Variants in HS6ST3 observed in about 807,000 individuals in gnomAD.
The protein encoded by HS6ST3 is heparan-sulfate 6-O-sulfotransferase 3.
A neutral mutation model predicts 36.7 loss-of-function variants in HS6ST3; 12 were observed. That is an observed-to-expected ratio of 0.33 (90% CI 0.21 to 0.53). HS6ST3 has a LOEUF of 0.53. HS6ST3 is among the 20% of genes least tolerant of loss of function. HS6ST3 has a pLI of 0.95. For synonymous variants in HS6ST3, 240 were observed against 257.5 expected (o/e 0.93, Z 0.65); for missense variants, 584 against 640.9 (o/e 0.91, Z 0.96).
intron 1 of HS6ST3, among the ~76,000 whole-genome samples, chr13:96,554,959 A>C (rs2056234644): frequency 6.6e-6 from 1 of 152,048 alleles, no homozygotes. Flanking sequence ...GTACACCTGT[A>C]GTTCCAGATA....
At chr13:96,331,263 T>G (rs1428256491) in intron 1 of HS6ST3, among the ~76,000 whole-genome samples, 1 of 152,204 alleles carries the variant, frequency 6.6e-6, no homozygotes, top group Non-Finnish European at 1.5e-5. Context: ...GCTCTGCGTT[T>G]TAGAGTTTCC....
chr13:96,477,290 C>A (rs968042555), intron 1 of HS6ST3, among the ~76,000 whole-genome samples: 1 of 152,116 alleles, frequency 6.6e-6, no homozygotes, highest in African/African-American at 2.4e-5. Context: ...GAGAGGGATG[C>A]GAATGGAATT....
intron 1 of HS6ST3, among the ~76,000 whole-genome samples, chr13:96,650,547 T>C (rs1342901824): frequency 1.3e-5 from 2 of 152,076 alleles, no homozygotes; most frequent in Non-Finnish European, 2.9e-5. Flanking sequence ...GAGGGATTTG[T>C]TTATCTGAAA....
At chr13:96,195,700 G>A (rs950885239) in intron 1 of HS6ST3, among the ~76,000 whole-genome samples, 1 of 152,170 alleles carries the variant, frequency 6.6e-6, no homozygotes, top group African/African-American at 2.4e-5. Flanking sequence ...TGTAGAGCCA[G>A]TACCTGAGAC....
chr13:96,610,595 G>A (rs1331247170), intron 1 of HS6ST3, among the ~76,000 whole-genome samples: 1 of 152,118 alleles, frequency 6.6e-6, no homozygotes, highest in East Asian at 1.9e-4. Flanking sequence ...CCAGAAAGAA[G>A]GAATAGCACC....
At chr13:96,375,565 C>G (rs952569116) in intron 1 of HS6ST3, among the ~76,000 whole-genome samples, 1 of 152,198 alleles carries the variant, frequency 6.6e-6, no homozygotes, top group African/African-American at 2.4e-5. Flanking sequence ...CAGTCTCTAA[C>G]TTCAAGCCTG....
intron 1 of HS6ST3, among the ~76,000 whole-genome samples, chr13:96,675,144 C>T (rs895071349): frequency 1.3e-5 from 2 of 151,962 alleles, no homozygotes; most frequent in South Asian, 2.1e-4. Flanking sequence ...CGAACAGAAA[C>T]GAAACATAAT....
At chr13:96,722,831 G>A (rs2138470119) in intron 1 of HS6ST3, among the ~76,000 whole-genome samples, 1 of 152,252 alleles carries the variant, frequency 6.6e-6, no homozygotes, top group South Asian at 2.1e-4. Flanking sequence ...ACAAAAATTA[G>A]CTGGGCATGG....
chr13:96,831,075 G>A (rs1234623006), intron 1 of HS6ST3, among the ~76,000 whole-genome samples: 1 of 152,178 alleles, frequency 6.6e-6, no homozygotes, highest in Non-Finnish European at 1.5e-5. Flanking sequence ...TCATGGAAAG[G>A]ATTGTCCTTA....
At chr13:96,391,740 C>A (rs2055396694) in intron 1 of HS6ST3, among the ~76,000 whole-genome samples, 1 of 152,170 alleles carries the variant, frequency 6.6e-6, no homozygotes, top group Non-Finnish European at 1.5e-5. Flanking sequence ...ACCATCAGAT[C>A]TTGTGAAACC....
intron 1 of HS6ST3, among the ~76,000 whole-genome samples, chr13:96,505,927 G>T (rs1378856780): frequency 6.6e-6 from 1 of 152,074 alleles, no homozygotes; most frequent in Non-Finnish European, 1.5e-5. Context: ...TGTTGGTTCA[G>T]GCTGTTTCTG....
intron 1 of HS6ST3, among the ~76,000 whole-genome samples, chr13:96,782,255 A>C (rs1877543404): frequency 6.6e-6 from 1 of 152,198 alleles, no homozygotes; most frequent in Admixed American, 6.5e-5. Context: ...TTATTTAAGA[A>C]ACTGAAGGAG....
intron 1 of HS6ST3, among the ~76,000 whole-genome samples, chr13:96,451,509 A>G (rs1245333974): frequency 6.6e-6 from 1 of 152,224 alleles, no homozygotes; most frequent in Non-Finnish European, 1.5e-5. Context: ...TTAGCGAAAT[A>G]TTGAAGTTTG....
intron 1 of HS6ST3, among the ~76,000 whole-genome samples, chr13:96,732,003 A>G (rs1037346904): frequency 1.3e-5 from 2 of 152,098 alleles, no homozygotes; most frequent in African/African-American, 2.4e-5. Flanking sequence ...CATAATGGCC[A>G]TATTATTTTA....
In HS6ST3 at chr13:96,281,810, A is replaced by G. The variant is rs141616775; in HGVS notation, c.707+190241A>G. Among the ~76,000 whole-genome samples, 13 of 152,312 alleles carry G rather than the reference A, an allele frequency of 8.5e-5. No individual in the cohort carries two copies. The East Asian group carries it at 2.3e-3, about 27-fold the overall frequency. Reference sequence around the variant, plus strand: ...TTCTTTCAGACTTCCCTCATGAAACATTAGGTAACCGCAGTCTTCATATTT... The same window carrying G: ...TTCTTTCAGACTTCCCTCATGAAACGTTAGGTAACCGCAGTCTTCATATTT... On this transcript the variant is annotated intron_variant, in intron 1 of 1. Coordinates refer to ENST00000376705, the MANE Select transcript of HS6ST3 (RefSeq NM_153456.4).
At chr13:96,815,053 C>T (rs972888868) in intron 1 of HS6ST3, among the ~76,000 whole-genome samples, 3 of 152,114 alleles carry the variant, frequency 2.0e-5, no homozygotes, top group African/African-American at 7.2e-5. Flanking sequence ...GTTTTCATTT[C>T]TTATGGCCAC....
chr13:96,697,171 ATGTG>A, intron 1 of HS6ST3, among the ~76,000 whole-genome samples: 1 of 150,394 alleles, frequency 6.6e-6, no homozygotes, highest in South Asian at 2.1e-4. Flanking sequence ...AAATGTATAG[ATGTG>A]TGTGTGTGTG....
chr13:96,205,138 A>AG (rs1379107082), intron 1 of HS6ST3, among the ~76,000 whole-genome samples: 1 of 152,136 alleles, frequency 6.6e-6, no homozygotes, highest in Non-Finnish European at 1.5e-5. Flanking sequence ...ATCAGAAATA[A>AG]GGGGGGTATT....
chr13:96,769,135 C>A (rs959459783), intron 1 of HS6ST3, among the ~76,000 whole-genome samples: 1 of 152,008 alleles, frequency 6.6e-6, no homozygotes, highest in Non-Finnish European at 1.5e-5. Context: ...CAAACACACA[C>A]ACAATCTGCT....
Sources: gnomAD v4.1 joint callset for allele counts (sites outside exome capture counted in the v4.1 genomes callset) on GRCh38, gnomAD v4.1.1 for gene constraint, MANE v1.5 for transcripts, NCBI Gene and HGNC (gene_info 2026-07-23, HGNC 2026-07-21) for gene names.